DNAAF10: variants seen among roughly 807,000 people sequenced by gnomAD.
The protein encoded by DNAAF10 is WD repeat domain 92.
DNAAF10 carries 28 observed loss-of-function variants against 43.7 expected under a neutral mutation model. The observed-to-expected ratio is 0.64, with a 90% CI of 0.48 to 0.88. The LOEUF is 0.88. DNAAF10 is among the 40% of genes least tolerant of loss of function. The pLI is 0.00. For synonymous variants in DNAAF10, 156 were observed against 157.3 expected, an observed-to-expected ratio of 0.99 and a Z score of 0.06; for missense variants, 403 against 439.1, an observed-to-expected ratio of 0.92 and a Z score of 0.73.
chr2:68,142,614 G>C (rs1673215698), intron 3 of DNAAF10, among the ~76,000 whole-genome samples: 4 of 152,094 alleles, frequency 2.6e-5, no homozygotes, highest in Non-Finnish European at 5.9e-5. Flanking sequence ...ATAGTGAAGA[G>C]GAAAATGTTA....
intron 1 of DNAAF10, among the ~76,000 whole-genome samples, chr2:68,150,811 G>A (rs926933421): frequency 4.6e-5 from 7 of 152,194 alleles, no homozygotes; most frequent in Admixed American, 4.6e-4. Flanking sequence ...GTGGTTACTT[G>A]TGATGTAAAA....
intron 5 of DNAAF10, among the ~76,000 whole-genome samples, chr2:68,138,299 C>G (rs1338955057): frequency 6.6e-6 from 1 of 152,060 alleles, no homozygotes; most frequent in Non-Finnish European, 1.5e-5. Flanking sequence ...TAACTTTTTA[C>G]ATTATTTAAC....
intron 1 of DNAAF10, among the ~76,000 whole-genome samples, chr2:68,150,318 T>C (rs1673422670): frequency 6.6e-6 from 1 of 152,230 alleles, no homozygotes; most frequent in Non-Finnish European, 1.5e-5. Context: ...ACATAATACA[T>C]TAATCAGAAA....
At chr2:68,137,011 G>A (rs1673059011) in intron 6 of DNAAF10, among the ~76,000 whole-genome samples, 1 of 152,154 alleles carries the variant, frequency 6.6e-6, no homozygotes, top group Middle Eastern at 3.4e-3. Context: ...CACCAGGCTG[G>A]GTTTTGTTGA....
intron 7 of DNAAF10, among the ~76,000 whole-genome samples, chr2:68,133,461 T>C (rs1286232131): frequency 6.6e-6 from 1 of 152,024 alleles, no homozygotes; most frequent in East Asian, 1.9e-4. Context: ...CGATCTAAAG[T>C]GTTCACTCTG....
In DNAAF10 at chr2:68,141,735, A is replaced by G; in HGVS notation, c.476T>C (p.Val159Ala). Reference protein sequence around the residue: ...KDDPVANMEPVQGENKRDCWT... With the variant: ...KDDPVANMEPAQGENKRDCWT... ...ACAGTCTCTCTTGTTTTCTCCTTGT[A>G]CAGGTTCCATATTAGCAACAGGATC... The change falls in exon 4 of 8, where the codon GTA (valine) becomes GCA (alanine). Residue 159 changes from valine to alanine, a missense_variant. Physicochemically the swap from Val to Ala is moderately conservative, Grantham distance 64. Transcript: ENST00000295121. The G allele has an allele frequency of 6.2e-7, 1 of 1,614,170 alleles. No homozygotes were observed. Among genetic ancestry groups the G allele is most frequent in the Non-Finnish European group, 8.5e-7 (1 of 1,180,014 alleles).
rs1026898923 is a variant in DNAAF10, at chr2:68,132,628, C to A, written c.867-1183G>T. On this transcript the variant is annotated intron_variant, in intron 7 of 7. Coordinates refer to ENST00000295121, the MANE Select transcript of DNAAF10 (RefSeq NM_138458.4). ...CAAGTCGTGAATAACTAGATGATTT[C>A]TTGTAGAAGCTGTTCGTTCAGTGGT... 2.0e-5 allele frequency among the ~76,000 whole-genome samples: 3 copies of A among 152,138 alleles called. No individual in the cohort carries two copies. The South Asian group carries it at 6.2e-4, about 31-fold the overall frequency.
At chr2:68,133,432 T>G (rs922530279) in intron 7 of DNAAF10, among the ~76,000 whole-genome samples, 6 of 152,006 alleles carry the variant, frequency 3.9e-5, no homozygotes, top group African/African-American at 1.4e-4. Flanking sequence ...GACCCGGTTT[T>G]GCCATAATCA....
chr2:68,150,978 C>G (rs1290175492), intron 1 of DNAAF10, among the ~76,000 whole-genome samples: 1 of 152,198 alleles, frequency 6.6e-6, no homozygotes, highest in Non-Finnish European at 1.5e-5. Context: ...CTGCACATGT[C>G]TGAGAATTGC....
At position 68,130,115 on chromosome 2, in the gene DNAAF10, G is replaced by GAGAGAGATATATATATATAT. The variant is rs1453152500; in HGVS notation, c.*1122_*1123insATATATATATATATCTCTCT. On this transcript the variant is annotated 3_prime_UTR_variant, in exon 8 of 8. Coordinates refer to ENST00000295121, the MANE Select transcript of DNAAF10 (RefSeq NM_138458.4). Reference sequence around the variant, plus strand: ...CAACCGTGCCGTTTTGAGAGAGAGAGATATATATATATATATTTGTTTTTT... The same window carrying GAGAGAGATATATATATATAT: ...CAACCGTGCCGTTTTGAGAGAGAGAGAGAGAGATATATATATATATATATATATATATATATTTGTTTTTT... The GAGAGAGATATATATATATAT allele has an allele frequency of 3.0e-5, 4 of 132,922 alleles. No individual in the cohort carries two copies. The highest frequency in any genetic ancestry group is 1.2e-4 in the African/African-American group (4 of 34,290). 8.2% of individuals were successfully genotyped at this position (132,922 alleles called of 1,614,324 possible). A position where few individuals can be genotyped will look rare whatever the true frequency, so the allele number is the denominator to read the frequency against.
In DNAAF10 at chr2:68,144,588, C is replaced by T. The variant is rs202147887; in HGVS notation, c.412G>A (p.Asp138Asn). 2 of 1,613,762 alleles carry T rather than the reference C, an allele frequency of 1.2e-6. No individual in the cohort carries two copies. The highest frequency in any genetic ancestry group is 2.7e-5 in the African/African-American group (2 of 75,004). ...GAPEIVTGSR[D>N]GTVKVWDPRQ... Reference sequence around the variant, plus strand: ...TACATAGAATACAGGGACTCACCATCTCGGCTGCCAGTCACAATTTCAGGT... The same window carrying T: ...TACATAGAATACAGGGACTCACCATTTCGGCTGCCAGTCACAATTTCAGGT... The change falls in exon 3 of 8, where the codon GAT becomes AAT. Residue 138 changes from aspartate to asparagine, a missense_variant. Coordinates refer to ENST00000295121, the MANE Select transcript of DNAAF10 (RefSeq NM_138458.4).
chr2:68,150,113 C>T (rs996042189), intron 1 of DNAAF10, among the ~76,000 whole-genome samples: 7 of 152,134 alleles, frequency 4.6e-5, no homozygotes, highest in African/African-American at 9.7e-5. Context: ...ATTCCTAGGC[C>T]ATGGAAGAGG....
Position 68,138,742 on chromosome 2 carries a change from C to T in DNAAF10, c.633G>A (p.Gly211=). Residue 211 remains glycine, a splice_region_variant and synonymous_variant, in exon 5 of 8, where the codon GGG becomes GGA. Transcript: ENST00000295121. The stretch of plus-strand genomic sequence containing the variant: ...CAAAAAGCCTCAGAATGTACTTTAC[C>T]CCATTTTTGATGTTTGTCTCCCACC... The part of the protein sequence containing the change: ...ALRWETNIKN[G]VCSLEFDRKD... 1 of 1,608,088 alleles carries T rather than the reference C, an allele frequency of 6.2e-7. No homozygotes were observed. The highest frequency in any genetic ancestry group is 8.5e-7 in the Non-Finnish European group (1 of 1,174,598).
At chr2:68,154,371 T>A (rs969083329) in intron 1 of DNAAF10, among the ~76,000 whole-genome samples, 2 of 152,074 alleles carry the variant, frequency 1.3e-5, no homozygotes, top group African/African-American at 4.8e-5. Flanking sequence ...CTCAGCCTCC[T>A]GAGTAGCTGG....
rs1417716311 is a variant in DNAAF10 at position 68,157,322 on chromosome 2, C to G, written c.122G>C (p.Arg41Pro). 6.2e-7 allele frequency: 1 copy of G among 1,614,162 alleles called. No homozygotes were observed. Among genetic ancestry groups the G allele is most frequent in the Non-Finnish European group, 8.5e-7 (1 of 1,180,030 alleles). ...AKFVTMGNFARGTGVIQLYEI... is the reference protein window; with the variant it reads ...AKFVTMGNFAPGTGVIQLYEI... ...GTACAGCTGAATGACGCCGGTGCCC[C>G]GTGCGAAGTTGCCCATGGTCACAAA... The change falls in exon 1 of 8, where the codon CGG becomes CCG. Residue 41 changes from arginine (R) to proline (P), a missense_variant. Transcript: ENST00000295121.
In DNAAF10 at chr2:68,134,771, C is replaced by G; in HGVS notation, c.797G>C (p.Arg266Pro). 6.2e-7 allele frequency: 1 copy of G among 1,611,300 alleles called. No individual in the cohort carries two copies. Among genetic ancestry groups the G allele is most frequent in the Non-Finnish European group, 8.5e-7 (1 of 1,179,506 alleles). The change falls in exon 7 of 8, where the codon CGA becomes CCA. Residue 266 changes from arginine (R) to proline (P), a missense_variant. Arg to Pro is a moderately radical substitution (Grantham distance 103). Coordinates refer to ENST00000295121, the MANE Select transcript of DNAAF10 (RefSeq NM_138458.4). ...KAHKSTVWQV[R>P]HLPQNRELFL... The stretch of plus-strand genomic sequence containing the variant: ...GAGCTCCCTGTTCTGCGGCAGGTGT[C>G]GGACCTGCCACACAGTAGATTTATG...
chr2:68,133,260 T>G (rs148799833), intron 7 of DNAAF10, among the ~76,000 whole-genome samples: 1,640 of 152,264 alleles, frequency 0.011, 15 homozygotes, highest in South Asian at 0.031. Flanking sequence ...AAAAAGTCTC[T>G]GTCGCTCTGT....
Position 68,129,869 on chromosome 2 carries a change from C to G in DNAAF10, c.*1369G>C, listed in dbSNP as rs1010907329. On this transcript the variant is annotated 3_prime_UTR_variant, in exon 8 of 8. Coordinates refer to ENST00000295121, the MANE Select transcript of DNAAF10 (RefSeq NM_138458.4). ...ACAGAATCAAAGCTTCTGTAGATCT[C>G]AAAAACAGAAGTTTATTCATAAAAT... 6.6e-6 allele frequency: 1 copy of G among 151,834 alleles called. No homozygotes were observed. Among genetic ancestry groups the G allele is most frequent in the South Asian group, 2.1e-4 (1 of 4,820 alleles). The allele number at this position is 151,834 out of a possible 1,614,324, so 9.4% of individuals were successfully genotyped here.
At chr2:68,134,216 A>G in intron 7 of DNAAF10, 1 of 987,666 alleles carries the variant, frequency 1.0e-6, no homozygotes, top group Non-Finnish European at 1.2e-6. Context: ...TGGGATTCAG[A>G]AAGTGGTGTG....
Sources: gnomAD v4.1 joint callset for allele counts (sites outside exome capture counted in the v4.1 genomes callset) on GRCh38, gnomAD v4.1.1 for gene constraint, MANE v1.5 for transcripts, NCBI Gene and HGNC (gene_info 2026-07-23, HGNC 2026-07-21) for gene names.